NELL1: variants seen among roughly 807,000 people sequenced by gnomAD.
NELL1 encodes the protein neural EGFL like 1.
In NELL1, 76 loss-of-function variants were observed where a neutral mutation model predicts 107.4. That is an observed-to-expected ratio of 0.71 (90% CI 0.59 to 0.86). The LOEUF (loss-of-function observed/expected upper bound fraction) is 0.86. Among genes scored for constraint, NELL1 ranks in the 40% least tolerant of loss-of-function variants. The probability of loss-of-function intolerance (pLI) is 0.00; values close to 1 mark genes in which losing one functional copy is unlikely to be tolerated. For synonymous variants in NELL1, 353 were observed against 341.2 expected (o/e 1.03, Z -0.38); for missense variants, 1,024 against 1,005.5 (o/e 1.02, Z -0.25).
At chr11:21,458,918 C>A (rs553323323) in intron 15 of NELL1, among the ~76,000 whole-genome samples, 2 of 107,052 alleles carry the variant, frequency 1.9e-5, no homozygotes, top group South Asian at 4.3e-4. Context: ...CAGGAACTCA[C>A]AATATTAATA....
chr11:21,376,612 A>T lies in NELL1; in HGVS notation c.1645+5664A>T, dbSNP rs564830844. 2.0e-5 allele frequency among the ~76,000 whole-genome samples: 3 copies of T among 152,056 alleles called. No individual in the cohort carries two copies. In the East Asian group the frequency reaches 5.8e-4, roughly 29 times the overall value. On this transcript the variant is annotated intron_variant, in intron 15 of 19. Coordinates refer to ENST00000357134, the MANE Select transcript of NELL1 (RefSeq NM_006157.5). ...CTTGTATCAGCAGTTTGATAGGAAA[A>T]ACACTGAATTTTGTAGGTTGCTTTG...
intron 14 of NELL1, among the ~76,000 whole-genome samples, chr11:21,327,326 C>G (rs1294535546): frequency 6.6e-6 from 1 of 150,944 alleles, no homozygotes; most frequent in Non-Finnish European, 1.5e-5. Flanking sequence ...GCACATGTAC[C>G]CTAAAACTTA....
chr11:21,236,802 G>A (rs1342818001), intron 14 of NELL1, among the ~76,000 whole-genome samples: 1 of 152,034 alleles, frequency 6.6e-6, no homozygotes, highest in Non-Finnish European at 1.5e-5. Context: ...CATGCTGGAC[G>A]GTCAAGACAA....
intron 2 of NELL1, among the ~76,000 whole-genome samples, chr11:20,707,764 G>T (rs751385045): frequency 6.6e-6 from 1 of 152,208 alleles, no homozygotes; most frequent in Non-Finnish European, 1.5e-5. Flanking sequence ...GCTGTAAGAG[G>T]TGTCAGTCGG....
At chr11:20,842,369 T>C (rs1848636552) in intron 3 of NELL1, among the ~76,000 whole-genome samples, 1 of 141,508 alleles carries the variant, frequency 7.1e-6, no homozygotes, top group African/African-American at 2.7e-5. Context: ...TGAGACTCCG[T>C]TTAAAAAAAA....
intron 2 of NELL1, among the ~76,000 whole-genome samples, chr11:20,775,705 T>C (rs1371642648): frequency 2.6e-5 from 4 of 152,198 alleles, no homozygotes. Context: ...AGGGAATGCA[T>C]TGATTTTCCT....
chr11:21,027,550 C>T lies in NELL1; in HGVS notation c.1300+66990C>T, dbSNP rs568428850. 1.9e-4 allele frequency among the ~76,000 whole-genome samples: 29 copies of T among 152,016 alleles called. 1 individual carries two copies. Among genetic ancestry groups the T allele is most frequent in the South Asian group, 6.2e-4 (3 of 4,812 alleles). The stretch of plus-strand genomic sequence containing the variant: ...ACATTAGGCCATAGTTGACACTGAT[C>T]TTCATGCTTGTTTTTCTTCACTGCA... On this transcript the variant is annotated intron_variant, in intron 12 of 19. Transcript: ENST00000357134.
chr11:20,785,815 G>C (rs947851359), intron 3 of NELL1, among the ~76,000 whole-genome samples: 3 of 152,092 alleles, frequency 2.0e-5, no homozygotes, highest in Admixed American at 6.5e-5. Flanking sequence ...GCCATCCCTT[G>C]ACACATATAC....
intron 12 of NELL1, among the ~76,000 whole-genome samples, chr11:21,058,383 A>C (rs770269951): frequency 2.6e-4 from 39 of 152,160 alleles, no homozygotes; most frequent in Non-Finnish European, 4.9e-4. Flanking sequence ...ACATATTCCA[A>C]GCTCTAAGTG....
At chr11:21,435,374 G>A (rs568190747) in intron 15 of NELL1, among the ~76,000 whole-genome samples, 1 of 150,152 alleles carries the variant, frequency 6.7e-6, no homozygotes, top group South Asian at 2.1e-4. Context: ...GTAGCACTTT[G>A]TTGAGTTTTT....
chr11:21,373,801 TCTC>T (rs1323041507), intron 15 of NELL1, among the ~76,000 whole-genome samples: 1 of 152,118 alleles, frequency 6.6e-6, no homozygotes, highest in African/African-American at 2.4e-5. Context: ...TTCTAGTTCT[TCTC>T]CTACCCTTCA....
chr11:21,474,750 C>A (rs1040498203), intron 15 of NELL1, among the ~76,000 whole-genome samples: 1 of 152,098 alleles, frequency 6.6e-6, no homozygotes, highest in Non-Finnish European at 1.5e-5. Flanking sequence ...GTTTTTCTCA[C>A]TTCCCATTTC....
At chr11:21,098,075 A>G (rs1481497491) in intron 12 of NELL1, among the ~76,000 whole-genome samples, 2 of 152,014 alleles carry the variant, frequency 1.3e-5, no homozygotes, top group Non-Finnish European at 2.9e-5. Context: ...AAGACATTCA[A>G]GGTCTGCCTG....
rs544573510 is a variant in NELL1, at chr11:20,927,346, C to T, written c.798C>T (p.Asn266=). ...AGACAAGACTTAGTCAATTGGAAAACTGTCATTGTGAGAAGACTTGTCAAG... is the reference window on the plus strand; with the variant it reads ...AGACAAGACTTAGTCAATTGGAAAATTGTCATTGTGAGAAGACTTGTCAAG... ...YAETRLSQLE[N]CHCEKTCQVS... is the part of the protein sequence containing the mutation. The change falls in exon 8 of 20, where the codon AAC becomes AAT. Residue 266 remains asparagine (N), a synonymous_variant. Coordinates refer to ENST00000357134, the MANE Select transcript of NELL1 (RefSeq NM_006157.5). 6.2e-7 allele frequency: 1 copy of T among 1,612,776 alleles called. No homozygotes were observed. The highest frequency in any genetic ancestry group is 8.5e-7 in the Non-Finnish European group (1 of 1,179,546).
At chr11:20,873,801 C>G (rs1366527421) in intron 4 of NELL1, among the ~76,000 whole-genome samples, 1 of 148,598 alleles carries the variant, frequency 6.7e-6, no homozygotes, top group African/African-American at 2.5e-5. Context: ...GGGTCTCACT[C>G]TGTTGCCCAG....
At chr11:21,517,361 C>A (rs1040959904) in intron 15 of NELL1, among the ~76,000 whole-genome samples, 2 of 152,090 alleles carry the variant, frequency 1.3e-5, no homozygotes, top group Non-Finnish European at 2.9e-5. Context: ...ATTAGACAGA[C>A]GGTGAATAAA....
intron 2 of NELL1, among the ~76,000 whole-genome samples, chr11:20,686,803 T>G (rs746244145): frequency 6.6e-6 from 1 of 152,140 alleles, no homozygotes; most frequent in African/African-American, 2.4e-5. Flanking sequence ...CCCCTTTCAG[T>G]GCCCTCTCCA....
rs148004785 is a variant in NELL1 at position 20,800,523 on chromosome 11, G to C, written c.335+16693G>C. ...TTGGGATTGTCTATTCCTGTCTTTT[G>C]TCCATTTTTAAATTGGATTATTTGT... On this transcript the variant is annotated intron_variant, in intron 3 of 19. Transcript: ENST00000357134. Among the ~76,000 whole-genome samples the C allele has an allele frequency of 4.2e-3, 640 of 152,220 alleles. 7 individuals carry two copies. The highest frequency in any genetic ancestry group is 0.015 in the African/African-American group (613 of 41,548).
At chr11:21,309,300 G>GTA (rs1409905383) in intron 14 of NELL1, among the ~76,000 whole-genome samples, 2 of 58,142 alleles carry the variant, frequency 3.4e-5, no homozygotes, top group Admixed American at 2.2e-4. Context: ...ATATATATAT[G>GTA]TATATATATA....
Sources: allele counts gnomAD v4.1 joint callset (sites outside exome capture counted in the v4.1 genomes callset), GRCh38; gene constraint gnomAD v4.1.1; transcripts MANE v1.5; gene names NCBI Gene and HGNC (gene_info 2026-07-23, HGNC 2026-07-21).